SLC23A2: variants seen among roughly 807,000 people sequenced by gnomAD.
SLC23A2 encodes the protein solute carrier family 23 member 2.
A neutral mutation model predicts 73.3 loss-of-function variants in SLC23A2; 36 were observed. That is an observed-to-expected ratio of 0.49 (90% CI 0.38 to 0.65). The LOEUF is 0.65. Among genes scored for constraint, SLC23A2 ranks in the 30% least tolerant of loss-of-function variants. The probability of loss-of-function intolerance (pLI) is 0.00; values close to 1 mark genes in which losing one functional copy is unlikely to be tolerated. For missense variants in SLC23A2, 507 were observed against 841.6 expected, an observed-to-expected ratio of 0.60 and a Z score of 4.92; for synonymous variants, 343 against 327.3, an observed-to-expected ratio of 1.05 and a Z score of -0.52.
intron 3 of SLC23A2, among the ~76,000 whole-genome samples, chr20:4,913,462 G>C (rs1051174796): frequency 3.9e-5 from 6 of 152,154 alleles, no homozygotes; most frequent in African/African-American, 1.4e-4. Flanking sequence ...CCAGTAGCAA[G>C]AGCCATAAAA....
In SLC23A2 at chr20:4,872,486, T is replaced by A. The variant is rs1270004837; in HGVS notation, c.1102+1450A>T. Among the ~76,000 whole-genome samples, 1 of 152,096 alleles carries A rather than the reference T, an allele frequency of 6.6e-6. No individual in the cohort carries two copies. Among genetic ancestry groups the A allele is most frequent in the Non-Finnish European group, 1.5e-5 (1 of 68,010 alleles). On this transcript the variant is annotated intron_variant, in intron 11 of 16. Coordinates refer to ENST00000338244, the MANE Select transcript of SLC23A2 (RefSeq NM_005116.6). This position sits in a 1 kb window ranked among gnomAD's most constrained non-coding sequence, Gnocchi z 4.4. ...CCAGCACCTGTACAGCTGCCTCTCCTGGACAGCCCAGCTTGTGCCCCTACT... is the reference window on the plus strand; with the variant it reads ...CCAGCACCTGTACAGCTGCCTCTCCAGGACAGCCCAGCTTGTGCCCCTACT...
chr20:4,909,908 A>G (rs1341054089), intron 4 of SLC23A2, among the ~76,000 whole-genome samples: 1 of 152,232 alleles, frequency 6.6e-6, no homozygotes, highest in African/African-American at 2.4e-5. Flanking sequence ...GTTACAGAAG[A>G]CAAGTTTATT....
chr20:4,982,605 CA>C (rs1476255268), intron 1 of SLC23A2, among the ~76,000 whole-genome samples: 1 of 152,010 alleles, frequency 6.6e-6, no homozygotes, highest in Non-Finnish European at 1.5e-5. Flanking sequence ...TACCCCATTT[CA>C]AAAGTAATAT....
chr20:4,990,099 G>A (rs1193680916), intron 1 of SLC23A2, among the ~76,000 whole-genome samples: 1 of 152,144 alleles, frequency 6.6e-6, no homozygotes, highest in African/African-American at 2.4e-5. Context: ...AATGGAAGGA[G>A]CCCAGATCCC....
intron 4 of SLC23A2, among the ~76,000 whole-genome samples, chr20:4,905,099 G>A (rs1408176401): frequency 8.4e-6 from 1 of 119,592 alleles, no homozygotes; most frequent in Non-Finnish European, 1.6e-5. Flanking sequence ...GGGCAACAGA[G>A]AGAGATTCTG....
chr20:4,889,586 T>C (rs1299581209), intron 6 of SLC23A2, among the ~76,000 whole-genome samples: 1 of 151,310 alleles, frequency 6.6e-6, no homozygotes, highest in Non-Finnish European at 1.5e-5. Context: ...CCCTTTGGCA[T>C]CCGCTCACAT....
intron 2 of SLC23A2, among the ~76,000 whole-genome samples, chr20:4,939,492 G>A (rs2087008807): frequency 6.6e-6 from 1 of 152,188 alleles, no homozygotes; most frequent in Non-Finnish European, 1.5e-5. Flanking sequence ...CAATTACATA[G>A]CGAGTTACAA....
intron 11 of SLC23A2, 135 bp downstream of exon 11, chr20:4,873,801 C>T (rs1465101230): frequency 1.2e-6 from 1 of 826,022 alleles, no homozygotes; most frequent in East Asian, 2.7e-5. Context: ...TACTTGCTGT[C>T]TAATCCTCTC....
intron 6 of SLC23A2, among the ~76,000 whole-genome samples, chr20:4,890,249 A>C (rs149743433): frequency 4.0e-4 from 61 of 152,334 alleles, no homozygotes; most frequent in African/African-American, 1.1e-3. Context: ...TCTAAACTGC[A>C]GGAAAAATTT....
intron 1 of SLC23A2, among the ~76,000 whole-genome samples, chr20:4,988,855 G>C (rs927193030): frequency 6.6e-6 from 1 of 152,070 alleles, no homozygotes; most frequent in African/African-American, 2.4e-5. Flanking sequence ...AAGTTGCAGT[G>C]AGCCAAGATT....
At chr20:4,929,570 G>A (rs1013154570) in intron 3 of SLC23A2, among the ~76,000 whole-genome samples, 25 of 152,190 alleles carry the variant, frequency 1.6e-4, no homozygotes, top group African/African-American at 4.1e-4. Context: ...GATTCCAGAT[G>A]GAAAGAGAAC....
intron 1 of SLC23A2, among the ~76,000 whole-genome samples, chr20:4,999,543 G>A (rs901294014): frequency 8.1e-5 from 12 of 148,030 alleles, no homozygotes; most frequent in African/African-American, 2.8e-4. Context: ...TAAGCTGGCC[G>A]CCATACTCAG....
At chr20:4,999,217 A>C (rs943799880) in intron 1 of SLC23A2, among the ~76,000 whole-genome samples, 3 of 152,228 alleles carry the variant, frequency 2.0e-5, no homozygotes, top group African/African-American at 7.2e-5. Context: ...AGAGACACTG[A>C]AGAGGACAAC....
At chr20:5,006,387 C>A (rs548235068), upstream of SLC23A2, among the ~76,000 whole-genome samples, 27 of 151,778 alleles carry the variant, frequency 1.8e-4, no homozygotes, top group Admixed American at 4.6e-4. Context: ...CGTGAGCCAC[C>A]GTGCCCAGTC....
chr20:4,932,714 C>A lies in SLC23A2; in HGVS notation c.-152G>T. ...GAGGCCTGCAAACGGCATCTCTTAG[C>A]ACCTAGAAAAGAAGAGCACAGCCAA... On this transcript the variant is annotated splice_region_variant and 5_prime_UTR_variant, in exon 3 of 17. Transcript: ENST00000338244. The A allele has an allele frequency of 1.7e-6, 1 of 601,158 alleles. No individual in the cohort carries two copies. The highest frequency in any genetic ancestry group is 2.0e-5 in the South Asian group (1 of 49,138). The allele number at this position is 601,158 out of a possible 1,614,324, so 37.2% of individuals were successfully genotyped here. A position where few individuals can be genotyped will look rare whatever the true frequency, so the allele number is the denominator to read the frequency against.
rs2122762670 is a variant in SLC23A2 at position 4,856,400 on chromosome 20, C to G, written c.*572G>C. The G allele has an allele frequency of 6.5e-6, 1 of 153,080 alleles. No individual in the cohort carries two copies. Among genetic ancestry groups the G allele is most frequent in the Admixed American group, 6.5e-5 (1 of 15,372 alleles). 9.5% of individuals were successfully genotyped at this position (153,080 alleles called of 1,614,324 possible). A position where few individuals can be genotyped will look rare whatever the true frequency, so the allele number is the denominator to read the frequency against. The stretch of plus-strand genomic sequence containing the variant: ...GTGCAGGCCTCACCCATGGCCAGAT[C>G]TGGGCACAGGGGAGCCACGCCACTG... On this transcript the variant is annotated 3_prime_UTR_variant, in exon 17 of 17. Coordinates refer to ENST00000338244, the MANE Select transcript of SLC23A2 (RefSeq NM_005116.6). This position sits in a 1 kb window ranked among gnomAD's most constrained non-coding sequence, Gnocchi z 4.6.
At chr20:4,958,882 A>ATTT (rs916210712) in intron 2 of SLC23A2, among the ~76,000 whole-genome samples, 4 of 152,078 alleles carry the variant, frequency 2.6e-5, no homozygotes, top group African/African-American at 9.7e-5. Flanking sequence ...TTAAAATACA[A>ATTT]TTTGATTTTT....
chr20:4,979,613 C>A (rs1004939588), intron 1 of SLC23A2, among the ~76,000 whole-genome samples: 1 of 151,944 alleles, frequency 6.6e-6, no homozygotes, highest in Admixed American at 6.6e-5. Context: ...ATCTTCTATT[C>A]CAAATTTTAC....
chr20:4,960,390 C>G (rs1023877934), intron 2 of SLC23A2, among the ~76,000 whole-genome samples: 2 of 152,166 alleles, frequency 1.3e-5, no homozygotes, highest in East Asian at 1.9e-4. Flanking sequence ...TATGATCCAG[C>G]AAGGCCAGTT....
Sources: gnomAD v4.1 joint callset for allele counts (sites outside exome capture counted in the v4.1 genomes callset) on GRCh38, gnomAD v4.1.1 for gene constraint, Gnocchi (gnomAD v3.1) non-coding constraint, MANE v1.5 for transcripts, NCBI Gene and HGNC (gene_info 2026-07-23, HGNC 2026-07-21) for gene names.